Variants in TMEM87A observed in about 807,000 individuals in gnomAD.
TMEM87A encodes the protein Golgi-pH regulating cation channel.
TMEM87A carries 50 observed loss-of-function variants against 90.0 expected under a neutral mutation model. That is an observed-to-expected ratio of 0.56 (90% confidence interval 0.44 to 0.70). TMEM87A has a LOEUF of 0.70. TMEM87A is among the 30% of genes least tolerant of loss of function. The probability of loss-of-function intolerance (pLI) is 0.00; values close to 1 mark genes in which losing one functional copy is unlikely to be tolerated. For synonymous variants in TMEM87A, 226 were observed against 226.7 expected (o/e 1.00, Z 0.03); for missense variants, 577 against 660.5 (o/e 0.87, Z 1.39).
At chr15:42,255,580 A>C (rs1410187917) in intron 6 of TMEM87A, among the ~76,000 whole-genome samples, 1 of 152,012 alleles carries the variant, frequency 6.6e-6, no homozygotes, top group African/African-American at 2.4e-5. Flanking sequence ...CCTTTTACTC[A>C]ATTCTGTTGT....
chr15:42,217,820 G>A lies in TMEM87A; in HGVS notation c.1609C>T (p.Leu537Phe), dbSNP rs2050407447. 6.2e-7 allele frequency: 1 copy of A among 1,612,702 alleles called. No individual in the cohort carries two copies. The highest frequency in any genetic ancestry group is 1.7e-5 in the Admixed American group (1 of 59,654). Residue 537 changes from leucine to phenylalanine, a missense_variant, in exon 19 of 20, where the codon CTT (leucine) becomes TTT (phenylalanine). Physicochemically the swap from Leu to Phe is conservative, Grantham distance 22. Transcript: ENST00000389834. The part of the protein sequence containing the change: ...SSVTDVALPA[L>F]LDSDEERMIT... ...GTACCAACCTCATCTGAATCCAGAAGGGCTGGAAGTGCTCTGCAAAGAGAG... is the reference window on the plus strand; with the variant it reads ...GTACCAACCTCATCTGAATCCAGAAAGGCTGGAAGTGCTCTGCAAAGAGAG...
At chr15:42,244,547 T>C (rs2050936199) in intron 6 of TMEM87A, among the ~76,000 whole-genome samples, 1 of 151,582 alleles carries the variant, frequency 6.6e-6, no homozygotes, top group Non-Finnish European at 1.5e-5. Flanking sequence ...AAACAAAACT[T>C]AATGATGGTA....
rs548500202 is a variant in TMEM87A, at chr15:42,241,021, C to T, written c.623-1290G>A. Among the ~76,000 whole-genome samples the T allele has an allele frequency of 3.9e-5, 6 of 152,330 alleles. No individual in the cohort carries two copies. In the South Asian group the frequency reaches 1.2e-3, roughly 32 times the overall value. On this transcript the variant is annotated intron_variant, in intron 7 of 19. Transcript: ENST00000389834. ...CTGTTAATAAAGTTTTATTGGAACA[C>T]AGCCACATCCACTCATTTACATATT...
intron 15 of TMEM87A, among the ~76,000 whole-genome samples, chr15:42,222,775 G>T (rs910483639): frequency 4.2e-4 from 64 of 151,734 alleles, no homozygotes; most frequent in African/African-American, 1.5e-3. Flanking sequence ...GGTCCGGCTG[G>T]TCTCGAACTC....
chr15:42,257,175 T>C (rs1000235423), intron 6 of TMEM87A, among the ~76,000 whole-genome samples: 7 of 152,186 alleles, frequency 4.6e-5, no homozygotes, highest in African/African-American at 1.7e-4. Flanking sequence ...AAATTTCATA[T>C]TGAAATTTGA....
chr15:42,273,407 C>T lies in TMEM87A; in HGVS notation c.-9G>A, dbSNP rs1401461904. Reference sequence around the variant, plus strand: ...CACGCAGCCGCCGCCATCTTCACAGCCGTGGAGTGCCTACCGAAAGCATTT... The same window carrying T: ...CACGCAGCCGCCGCCATCTTCACAGTCGTGGAGTGCCTACCGAAAGCATTT... On this transcript the variant is annotated 5_prime_UTR_variant, in exon 1 of 20. Transcript: ENST00000389834. 6.2e-7 allele frequency: 1 copy of T among 1,613,766 alleles called. No homozygotes were observed. The highest frequency in any genetic ancestry group is 1.1e-5 in the South Asian group (1 of 91,082).
At chr15:42,240,873 C>G (rs1284765594) in intron 7 of TMEM87A, among the ~76,000 whole-genome samples, 1 of 152,122 alleles carries the variant, frequency 6.6e-6, no homozygotes, top group Non-Finnish European at 1.5e-5. Context: ...AAATCTATAC[C>G]TTCCTAATTC....
intron 2 of TMEM87A, among the ~76,000 whole-genome samples, chr15:42,268,725 G>A (rs2051454445): frequency 6.6e-6 from 1 of 151,980 alleles, no homozygotes; most frequent in Non-Finnish European, 1.5e-5. Flanking sequence ...AAGGTATAAT[G>A]GCACACTGTT....
intron 6 of TMEM87A, among the ~76,000 whole-genome samples, chr15:42,254,052 CT>C (rs538282508): frequency 2.7e-4 from 40 of 147,250 alleles, no homozygotes; most frequent in South Asian, 1.1e-3. Context: ...CTATTTTTTT[CT>C]TTTTTTTTTT....
intron 15 of TMEM87A, among the ~76,000 whole-genome samples, chr15:42,222,370 T>G (rs2050506228): frequency 6.6e-6 from 1 of 151,986 alleles, no homozygotes; most frequent in South Asian, 2.1e-4. Context: ...AGGCTATTTT[T>G]AAAAGAGCCA....
At position 42,218,324 on chromosome 15, in the gene TMEM87A, C is replaced by T. The variant is rs774691623; in HGVS notation, c.1594G>A (p.Val532Ile). Residue 532 changes from valine to isoleucine, a missense_variant and splice_region_variant, in exon 18 of 20, where the codon GTA (valine) becomes ATA (isoleucine). By Grantham distance (29) the Val-to-Ile change is conservative (BLOSUM62 3). Coordinates refer to ENST00000389834, the MANE Select transcript of TMEM87A (RefSeq NM_015497.5). ...TGTGGTAATCATTCAAAAACTTACACATCTGTCACAGAAGAAGGAACATTC... is the reference window on the plus strand; with the variant it reads ...TGTGGTAATCATTCAAAAACTTACATATCTGTCACAGAAGAAGGAACATTC... Reference protein sequence around the residue: ...EENVPSSVTDVALPALLDSDE... With the variant: ...EENVPSSVTDIALPALLDSDE... 6.2e-7 allele frequency: 1 copy of T among 1,613,510 alleles called. No individual in the cohort carries two copies.
intron 1 of TMEM87A, chr15:42,273,016 G>A: frequency 1.5e-6 from 1 of 660,070 alleles, no homozygotes; most frequent in Non-Finnish European, 2.8e-6. Context: ...CTGATGAGAA[G>A]CCGCTCCACC....
chr15:42,256,376 G>A (rs974881848), intron 6 of TMEM87A, among the ~76,000 whole-genome samples: 1 of 152,136 alleles, frequency 6.6e-6, no homozygotes, highest in African/African-American at 2.4e-5. Context: ...CTGGCTTCAA[G>A]TGATTCACCC....
chr15:42,223,985 A>T (rs754148792), intron 15 of TMEM87A, among the ~76,000 whole-genome samples: 5 of 152,204 alleles, frequency 3.3e-5, no homozygotes, highest in African/African-American at 4.8e-5. Context: ...CCTTCAACCT[A>T]GCAAATCCAA....
chr15:42,213,267 G>A (rs1486967786), intron 19 of TMEM87A, among the ~76,000 whole-genome samples: 1 of 152,210 alleles, frequency 6.6e-6, no homozygotes, highest in Non-Finnish European at 1.5e-5. Flanking sequence ...CTGAGTCCGA[G>A]AGCTAAAAAC....
chr15:42,227,656 C>T, intron 14 of TMEM87A, 55 bp downstream of exon 14: 1 of 1,504,328 alleles, frequency 6.6e-7, no homozygotes, highest in Non-Finnish European at 9.2e-7. Flanking sequence ...CTGTCATCAA[C>T]ACCATCAGTT....
intron 19 of TMEM87A, among the ~76,000 whole-genome samples, chr15:42,215,197 G>A (rs1441270893): frequency 6.6e-6 from 1 of 152,142 alleles, no homozygotes; most frequent in Non-Finnish European, 1.5e-5. Context: ...CATTGAAAAG[G>A]TACAGTAAAA....
At chr15:42,257,852 A>G in intron 6 of TMEM87A, 1 of 957,402 alleles carries the variant, frequency 1.0e-6, no homozygotes, top group Non-Finnish European at 1.2e-6. Context: ...TAAAAAGAAA[A>G]AATTATACAA....
At chr15:42,211,809 C>A in intron 19 of TMEM87A, 60 bp from the exon 20 acceptor site, 1 of 1,452,944 alleles carries the variant, frequency 6.9e-7, no homozygotes, top group Non-Finnish European at 9.6e-7. Context: ...TTCCAAATAT[C>A]TTCTATACAG....
Sources: allele counts gnomAD v4.1 joint callset (sites outside exome capture counted in the v4.1 genomes callset), GRCh38; gene constraint gnomAD v4.1.1; transcripts MANE v1.5; gene names NCBI Gene and HGNC (gene_info 2026-07-23, HGNC 2026-07-21).